Variants in USH2A observed in about 807,000 individuals in gnomAD.
USH2A encodes the protein Usher syndrome 2A (autosomal recessive, mild).
A neutral mutation model predicts 538.9 loss-of-function variants in USH2A; 443 were observed. That is an observed-to-expected ratio of 0.82 (90% CI 0.76 to 0.89). USH2A has a LOEUF of 0.89. Ranked by LOEUF, USH2A falls within the 40% of genes least tolerant of loss-of-function variation. The probability of loss-of-function intolerance (pLI) is 0.00; values close to 1 mark genes in which losing one functional copy is unlikely to be tolerated. For synonymous variants in USH2A, 2,413 were observed against 2,273.5 expected, an observed-to-expected ratio of 1.06 and a Z score of -1.75; for missense variants, 6,633 against 6,324.8, an observed-to-expected ratio of 1.05 and a Z score of -1.65.
chr1:215,900,664 T>G lies in USH2A; in HGVS notation c.7451+91A>C, dbSNP rs1042377444. Reference sequence around the variant, plus strand: ...TGTACTTTTAAAAGGTAACCTATATTTTTTGCAAATGAGAACTGACCTACT... The same window carrying G: ...TGTACTTTTAAAAGGTAACCTATATGTTTTGCAAATGAGAACTGACCTACT... On this transcript the variant is annotated intron_variant, in intron 39 of 71. Coordinates refer to ENST00000307340, the MANE Select transcript of USH2A (RefSeq NM_206933.4). 10 of 1,552,878 alleles carry G rather than the reference T, an allele frequency of 6.4e-6. No homozygotes were observed. The African/African-American group carries it at 8.2e-5, about 13-fold the overall frequency.
chr1:215,743,127 T>C (rs375031227), intron 59 of USH2A, 50 bp downstream of exon 59: 1 of 1,593,142 alleles, frequency 6.3e-7, no homozygotes. Context: ...AATTTTTTAA[T>C]GAAATACTTT....
intron 55 of USH2A, among the ~76,000 whole-genome samples, chr1:215,769,061 G>A (rs1205643743): frequency 6.6e-6 from 1 of 152,144 alleles, no homozygotes; most frequent in African/African-American, 2.4e-5. Context: ...CGGTATCCCT[G>A]TCCACAGCAA....
chr1:215,691,231 G>A (rs956303146), intron 61 of USH2A, among the ~76,000 whole-genome samples: 58 of 152,078 alleles, frequency 3.8e-4, no homozygotes, highest in Non-Finnish European at 8.8e-5. Flanking sequence ...TAGCAAAAGT[G>A]TATTTTGGAC....
chr1:215,829,371 G>A (rs12117370), intron 47 of USH2A, among the ~76,000 whole-genome samples: 5,206 of 152,240 alleles, frequency 0.034, 100 homozygotes, highest in African/African-American at 0.051. Context: ...TACACTGCAC[G>A]CATATAATCA....
intron 60 of USH2A, among the ~76,000 whole-genome samples, chr1:215,734,240 T>C (rs1383042238): frequency 6.6e-6 from 1 of 152,192 alleles, no homozygotes. Flanking sequence ...ACCTGTGATG[T>C]ATCTGAGGCC....
chr1:215,839,735 G>T (rs7520017), intron 46 of USH2A, among the ~76,000 whole-genome samples: 101,757 of 151,964 alleles, frequency 0.67, 34,740 homozygotes, highest in African/African-American at 0.79. Flanking sequence ...GTGCTAAAAC[G>T]ATATTGTATA....
intron 21 of USH2A, among the ~76,000 whole-genome samples, chr1:216,115,206 A>G (rs2032977163): frequency 6.6e-6 from 1 of 152,110 alleles, no homozygotes; most frequent in Non-Finnish European, 1.5e-5. Context: ...ATCATAGCTC[A>G]CTGCATCATT....
At chr1:216,332,744 AT>A (rs1462831395) in intron 4 of USH2A, among the ~76,000 whole-genome samples, 1 of 152,154 alleles carries the variant, frequency 6.6e-6, no homozygotes, top group African/African-American at 2.4e-5. Flanking sequence ...CAATGACTTC[AT>A]TTATCACATA....
At chr1:215,798,214 C>T (rs1662199504) in intron 50 of USH2A, among the ~76,000 whole-genome samples, 1 of 152,114 alleles carries the variant, frequency 6.6e-6, no homozygotes, top group Non-Finnish European at 1.5e-5. Flanking sequence ...AAGAAAGTGG[C>T]TTCTTGAGAT....
At chr1:215,990,760 CTTTT>C (rs35293238) in intron 35 of USH2A, among the ~76,000 whole-genome samples, 1 of 114,580 alleles carries the variant, frequency 8.7e-6, no homozygotes, top group Non-Finnish European at 1.7e-5. Flanking sequence ...CTTAATTTTC[CTTTT>C]TTTTTTTTTT....
At chr1:215,745,934 G>C (rs1660457730) in intron 58 of USH2A, among the ~76,000 whole-genome samples, 1 of 152,152 alleles carries the variant, frequency 6.6e-6, no homozygotes, top group Admixed American at 6.5e-5. Flanking sequence ...GCATATTATA[G>C]GTAGAAATTT....
Position 216,094,375 on chromosome 1 carries a change from C to T in USH2A, c.4758+2708G>A, listed in dbSNP as rs189773331. On this transcript the variant is annotated intron_variant, in intron 22 of 71. Coordinates refer to ENST00000307340, the MANE Select transcript of USH2A (RefSeq NM_206933.4). Reference sequence around the variant, plus strand: ...ATCTATTCCCTTATTCCACCCACACCCCGCCACTAAGCTGGTATCTTCAGA... The same window carrying T: ...ATCTATTCCCTTATTCCACCCACACTCCGCCACTAAGCTGGTATCTTCAGA... Among the ~76,000 whole-genome samples, 477 of 152,224 alleles carry T rather than the reference C, an allele frequency of 3.1e-3. 2 individuals carry two copies. The highest frequency in any genetic ancestry group is 0.01 in the Middle Eastern group (3 of 294).
At chr1:215,930,188 G>A (rs910217776) in intron 38 of USH2A, among the ~76,000 whole-genome samples, 3 of 151,918 alleles carry the variant, frequency 2.0e-5, no homozygotes, top group African/African-American at 7.3e-5. Context: ...TCCTTTCACT[G>A]TTACAATAAA....
intron 32 of USH2A, among the ~76,000 whole-genome samples, chr1:216,042,683 T>C (rs2030332071): frequency 6.6e-6 from 1 of 152,094 alleles, no homozygotes; most frequent in African/African-American, 2.4e-5. Flanking sequence ...TCCACAGCCT[T>C]CTCCCTTGCT....
intron 16 of USH2A, among the ~76,000 whole-genome samples, chr1:216,201,237 A>G (rs954577188): frequency 1.3e-5 from 2 of 150,802 alleles, no homozygotes; most frequent in Admixed American, 6.6e-5. Flanking sequence ...TGGATCTGCC[A>G]TTGGCCACAA....
intron 55 of USH2A, among the ~76,000 whole-genome samples, chr1:215,774,141 A>G (rs910265439): frequency 6.6e-6 from 1 of 152,146 alleles, no homozygotes; most frequent in Admixed American, 6.5e-5. Context: ...ATATGAACTG[A>G]ACATCAAAAC....
intron 50 of USH2A, among the ~76,000 whole-genome samples, chr1:215,792,402 T>G (rs1173646822): frequency 6.6e-6 from 1 of 152,236 alleles, no homozygotes; most frequent in Non-Finnish European, 1.5e-5. Flanking sequence ...CATTACTTCT[T>G]TAATTATTAT....
chr1:215,634,012 C>T lies in USH2A; in HGVS notation c.15297+447G>A, dbSNP rs576603039. 1.1e-4 allele frequency among the ~76,000 whole-genome samples: 17 copies of T among 152,260 alleles called. No individual in the cohort carries two copies. The South Asian group carries it at 2.7e-3, about 24-fold the overall frequency. ...ACTGTAGCCCCTTCCTCCCCATCTC[C>T]GCCTTTTAATGTTCATTCCCCGCCA... On this transcript the variant is annotated intron_variant, in intron 70 of 71. Coordinates refer to ENST00000307340, the MANE Select transcript of USH2A (RefSeq NM_206933.4).
rs1386008506 is a variant in USH2A at position 215,680,360 on chromosome 1, G to A, written c.12083C>T (p.Ala4028Val). Reference protein sequence around the residue: ...AFTVKGTSHQAHLYGLEPFTT... With the variant: ...AFTVKGTSHQVHLYGLEPFTT... ...GAATGGTTCTAACCCGTACAGGTGG[G>A]CTTGATGGCTTGTTCCCTGTAAGAA... Residue 4028 changes from alanine (A) to valine (V), a missense_variant, in exon 62 of 72, where the codon GCC becomes GTC. Physicochemically the swap from Ala to Val is moderately conservative, Grantham distance 64. Coordinates refer to ENST00000307340, the MANE Select transcript of USH2A (RefSeq NM_206933.4). 2 of 1,613,664 alleles carry A rather than the reference G, an allele frequency of 1.2e-6. No individual in the cohort carries two copies. Among genetic ancestry groups the A allele is most frequent in the Admixed American group, 1.7e-5 (1 of 59,948 alleles).
Sources: allele counts gnomAD v4.1 joint callset (sites outside exome capture counted in the v4.1 genomes callset), GRCh38; gene constraint gnomAD v4.1.1; transcripts MANE v1.5; gene names NCBI Gene and HGNC (gene_info 2026-07-23, HGNC 2026-07-21).